TBL1X: variants seen among roughly 807,000 people sequenced by gnomAD.
TBL1X encodes F-box-like/WD repeat-containing protein TBL1X.
A neutral mutation model predicts 50.7 loss-of-function variants in TBL1X; 10 were observed. The ratio of observed to expected loss-of-function variants is 0.20; its 90% CI spans 0.12 to 0.33. TBL1X has a LOEUF of 0.33. Among genes scored for constraint, TBL1X ranks in the 10% least tolerant of loss-of-function variants. TBL1X has a pLI of 1.00. For synonymous variants in TBL1X, 190 were observed against 214.7 expected, an observed-to-expected ratio of 0.88 and a Z score of 1.01; for missense variants, 340 against 504.4, an observed-to-expected ratio of 0.67 and a Z score of 3.12.
intron 2 of TBL1X, among the ~76,000 whole-genome samples, chrX:9,509,357 C>T (rs1260156521): frequency 1.0e-4 from 7 of 69,810 alleles, no homozygotes; most frequent in African/African-American, 1.2e-4. Context: ...CAAAGCGAGA[C>T]TCTGTCTCAA....
intron 1 of TBL1X, among the ~76,000 whole-genome samples, chrX:9,498,405 G>A (rs192147406): frequency 8.9e-6 from 1 of 112,476 alleles, no homozygotes; most frequent in East Asian, 2.8e-4. Context: ...AGCTTGCCCT[G>A]AATGAATAAG....
intron 2 of TBL1X, among the ~76,000 whole-genome samples, chrX:9,502,297 A>G (rs1242697790): frequency 8.9e-6 from 1 of 112,212 alleles, no homozygotes; most frequent in African/African-American, 3.2e-5. Context: ...ACACTTACAC[A>G]CTTGTCTTGC....
intron 2 of TBL1X, chrX:9,639,935 T>A (rs1438184913): frequency 2.7e-5 from 3 of 112,623 alleles, no homozygotes; most frequent in African/African-American, 9.7e-5. Flanking sequence ...TTAAATTTAA[T>A]GTAATTTAAA....
intron 2 of TBL1X, among the ~76,000 whole-genome samples, chrX:9,621,244 G>T (rs2082665305): frequency 9.0e-6 from 1 of 111,687 alleles, no homozygotes; most frequent in Admixed American, 9.5e-5. Flanking sequence ...TCGTTCACTG[G>T]AGAGACCCAT....
chrX:9,643,981 A>G (rs1459495796), intron 3 of TBL1X, among the ~76,000 whole-genome samples: 2 of 112,030 alleles, frequency 1.8e-5, no homozygotes, highest in African/African-American at 6.5e-5. Context: ...ATTTTTCACA[A>G]CTTCACAGGC....
intron 2 of TBL1X, among the ~76,000 whole-genome samples, chrX:9,623,987 T>C (rs1170082451): frequency 8.9e-6 from 1 of 112,449 alleles, no homozygotes; most frequent in Non-Finnish European, 1.9e-5. Context: ...GTACATTTCC[T>C]TTCCTGTTTA....
At chrX:9,701,447 A>C (rs768714851) in intron 12 of TBL1X, among the ~76,000 whole-genome samples, 1 of 108,926 alleles carries the variant, frequency 9.2e-6, no homozygotes, top group East Asian at 2.9e-4. Context: ...CCACCTGAGC[A>C]CGGGGGAGCC....
intron 2 of TBL1X, among the ~76,000 whole-genome samples, chrX:9,547,400 A>G (rs528781261): frequency 1.8e-5 from 2 of 109,086 alleles, no homozygotes; most frequent in South Asian, 7.9e-4. Flanking sequence ...ACTCACTGCA[A>G]CCTCCACCTC....
intron 2 of TBL1X, among the ~76,000 whole-genome samples, chrX:9,628,674 A>G (rs1204682521): frequency 1.8e-5 from 2 of 109,854 alleles, no homozygotes; most frequent in Admixed American, 9.7e-5. Context: ...CAGCCTCCCA[A>G]GTAGCTGGGA....
chrX:9,502,049 G>A, intron 2 of TBL1X, among the ~76,000 whole-genome samples, 200 bp downstream of exon 2: 1 of 112,468 alleles, frequency 8.9e-6, no homozygotes, highest in Non-Finnish European at 1.9e-5. Flanking sequence ...CTTGAAATGT[G>A]GCCAGTCTAG....
At chrX:9,476,479 A>G (rs769673446) in intron 1 of TBL1X, among the ~76,000 whole-genome samples, 1 of 112,227 alleles carries the variant, frequency 8.9e-6, no homozygotes, top group South Asian at 3.7e-4. Context: ...ACCCTATATA[A>G]TCTTTCAGAA....
chrX:9,568,727 TG>T (rs987048529), intron 2 of TBL1X, among the ~76,000 whole-genome samples: 2 of 106,979 alleles, frequency 1.9e-5, no homozygotes, highest in African/African-American at 6.8e-5. Flanking sequence ...CAGTGTGCTG[TG>T]TGTGTGTCTG....
chrX:9,645,059 T>G (rs17321050), intron 3 of TBL1X: 32,500 of 111,181 alleles, frequency 0.29, 3,771 homozygotes, highest in Non-Finnish European at 0.36. Context: ...CCTATATAGT[T>G]GTTTTCATAC....
chrX:9,661,417 C>T (rs1298944882), intron 5 of TBL1X, among the ~76,000 whole-genome samples: 1 of 111,349 alleles, frequency 9.0e-6, no homozygotes, highest in Non-Finnish European at 1.9e-5. Context: ...CCCAACTACT[C>T]AGGAGGCTGA....
At chrX:9,579,957 C>G (rs1357116742) in intron 2 of TBL1X, among the ~76,000 whole-genome samples, 1 of 111,499 alleles carries the variant, frequency 9.0e-6, no homozygotes, top group South Asian at 3.8e-4. Context: ...ATGGGTATCC[C>G]TAAACCACTA....
chrX:9,667,485 T>C (rs2146612932), intron 5 of TBL1X, among the ~76,000 whole-genome samples: 1 of 111,862 alleles, frequency 8.9e-6, no homozygotes, highest in Non-Finnish European at 1.9e-5. Flanking sequence ...TAACAGAAAA[T>C]TATAAAGGGT....
intron 2 of TBL1X, among the ~76,000 whole-genome samples, chrX:9,549,426 A>G (rs1248267525): frequency 1.8e-5 from 2 of 113,026 alleles, no homozygotes; most frequent in Admixed American, 1.9e-4. Flanking sequence ...GAAAGTGTCA[A>G]CTGTCATACA....
At chrX:9,626,536 G>T (rs765547244) in intron 2 of TBL1X, among the ~76,000 whole-genome samples, 1 of 112,195 alleles carries the variant, frequency 8.9e-6, no homozygotes, top group South Asian at 3.7e-4. Context: ...CAGGGTTTGT[G>T]TCCAAGTGCT....
intron 2 of TBL1X, among the ~76,000 whole-genome samples, chrX:9,607,750 G>GA (rs2082590900): frequency 8.9e-6 from 1 of 112,255 alleles, no homozygotes; most frequent in African/African-American, 3.2e-5. Flanking sequence ...AGTAGAACAT[G>GA]AAAGAGGATG....
Sources: allele counts gnomAD v4.1 joint callset (sites outside exome capture counted in the v4.1 genomes callset), GRCh38; gene constraint gnomAD v4.1.1; transcripts MANE v1.5; gene names NCBI Gene and HGNC (gene_info 2026-07-23, HGNC 2026-07-21).